The following CFAP206 variants were observed in gnomAD, a reference collection of about 807,000 sequenced individuals.
CFAP206 encodes the protein cilia- and flagella-associated protein 206.
A neutral mutation model predicts 65.4 loss-of-function variants in CFAP206; 53 were observed. That is an observed-to-expected ratio of 0.81 (90% CI 0.65 to 1.02). CFAP206 has a LOEUF of 1.02. CFAP206 is among the 50% of genes least tolerant of loss of function. The probability of loss-of-function intolerance (pLI) is 0.00; values close to 1 mark genes in which losing one functional copy is unlikely to be tolerated. For synonymous variants in CFAP206, 250 were observed against 254.4 expected (o/e 0.98, Z 0.17); for missense variants, 663 against 753.2 (o/e 0.88, Z 1.40).
intron 8 of CFAP206, 71 bp from the exon 9 acceptor site, chr6:87,428,555 T>A (rs966745567): frequency 6.5e-6 from 9 of 1,385,860 alleles, no homozygotes; most frequent in Non-Finnish European, 9.2e-6. Flanking sequence ...ATTGTATTTA[T>A]CTTAAAGAGT....
At chr6:87,417,928 C>CG (rs1253853436) in intron 6 of CFAP206, among the ~76,000 whole-genome samples, 1 of 151,616 alleles carries the variant, frequency 6.6e-6, no homozygotes, top group Non-Finnish European at 1.5e-5. Flanking sequence ...TTAGTAGAGA[C>CG]GGGGTTTCAC....
At chr6:87,455,618 T>C (rs1293792566) in intron 11 of CFAP206, among the ~76,000 whole-genome samples, 1 of 152,072 alleles carries the variant, frequency 6.6e-6, no homozygotes, top group Non-Finnish European at 1.5e-5. Flanking sequence ...ATAGTTACAC[T>C]TTAGCCAGGC....
chr6:87,444,903 AGGCTCACCACTTGTAAGCCT>A, intron 11 of CFAP206: 1 of 540,190 alleles, frequency 1.9e-6, no homozygotes, highest in African/African-American at 1.9e-5. Context: ...AGCGCTTGTA[AGGCTCACCACTTGTAAGCCT>A]GGGCTGAATC....
chr6:87,428,563 A>T (rs1425273883), intron 8 of CFAP206, 63 bp from the exon 9 acceptor site: 4 of 1,407,554 alleles, frequency 2.8e-6, no homozygotes, highest in Non-Finnish European at 4.0e-6. Flanking sequence ...TATCTTAAAG[A>T]GTACAGTGAT....
intron 10 of CFAP206, among the ~76,000 whole-genome samples, chr6:87,433,523 T>C (rs1768196590): frequency 6.6e-6 from 1 of 152,052 alleles, no homozygotes; most frequent in Non-Finnish European, 1.5e-5. Flanking sequence ...AGATGTCCCA[T>C]TTTTGTAGTT....
intron 11 of CFAP206, among the ~76,000 whole-genome samples, chr6:87,460,685 A>ACTAC (rs1768730710): frequency 1.3e-5 from 2 of 152,102 alleles, no homozygotes; most frequent in Admixed American, 1.3e-4. Flanking sequence ...TACTGTGGTC[A>ACTAC]CTACCTGGGT....
intron 11 of CFAP206, among the ~76,000 whole-genome samples, chr6:87,457,614 T>C (rs1017744151): frequency 3.3e-5 from 5 of 152,202 alleles, no homozygotes; most frequent in Non-Finnish European, 7.3e-5. Context: ...TGGATATCCA[T>C]GTGCAGAAGA....
intron 6 of CFAP206, among the ~76,000 whole-genome samples, chr6:87,417,981 G>A (rs1399825595): frequency 6.6e-6 from 1 of 151,624 alleles, no homozygotes; most frequent in Non-Finnish European, 1.5e-5. Flanking sequence ...CTCGTGATCC[G>A]CCCGCCTCGG....
At chr6:87,417,984 C>T (rs920005359) in intron 6 of CFAP206, among the ~76,000 whole-genome samples, 6 of 151,820 alleles carry the variant, frequency 4.0e-5, no homozygotes, top group Non-Finnish European at 5.9e-5. Context: ...GTGATCCGCC[C>T]GCCTCGGCCT....
chr6:87,428,546 T>C, intron 8 of CFAP206, 80 bp from the exon 9 acceptor site: 1 of 1,326,128 alleles, frequency 7.5e-7, no homozygotes, highest in South Asian at 1.2e-5. Context: ...CAAATGACAA[T>C]TGTATTTATC....
At chr6:87,461,668 T>C (rs1768751124) in intron 12 of CFAP206, among the ~76,000 whole-genome samples, 1 of 147,312 alleles carries the variant, frequency 6.8e-6, no homozygotes, top group South Asian at 2.3e-4. Flanking sequence ...ATCCCCTCTT[T>C]ATGGTATCTT....
intron 7 of CFAP206, among the ~76,000 whole-genome samples, chr6:87,420,909 CT>C (rs1369315490): frequency 6.6e-6 from 1 of 152,126 alleles, no homozygotes; most frequent in Non-Finnish European, 1.5e-5. Context: ...CTCAAACAGT[CT>C]TTTTTGTTTT....
At chr6:87,432,195 G>A (rs755891917) in intron 10 of CFAP206, among the ~76,000 whole-genome samples, 1 of 151,240 alleles carries the variant, frequency 6.6e-6, no homozygotes, top group Non-Finnish European at 1.5e-5. Flanking sequence ...TTCACAATTG[G>A]GTATTTTTTC....
At chr6:87,458,812 C>T (rs1332502483) in intron 11 of CFAP206, among the ~76,000 whole-genome samples, 2 of 151,906 alleles carry the variant, frequency 1.3e-5, no homozygotes, top group Non-Finnish European at 2.9e-5. Flanking sequence ...TGAAAGAGTA[C>T]AATTGGAATA....
intron 11 of CFAP206, among the ~76,000 whole-genome samples, chr6:87,459,376 T>C (rs1485423062): frequency 2.6e-5 from 4 of 152,154 alleles, no homozygotes; most frequent in Non-Finnish European, 5.9e-5. Context: ...AGAAAAATTG[T>C]GAGTTATATA....
chr6:87,457,149 CAAAA>C (rs56842848), intron 11 of CFAP206, among the ~76,000 whole-genome samples: 3 of 115,912 alleles, frequency 2.6e-5, no homozygotes, highest in Admixed American at 8.7e-5. Flanking sequence ...GACAACCTCT[CAAAA>C]AAAAAAAAAA....
At chr6:87,429,244 A>ATCTACCAGATG in intron 9 of CFAP206, among the ~76,000 whole-genome samples, 1 of 152,116 alleles carries the variant, frequency 6.6e-6, no homozygotes, top group African/African-American at 2.4e-5. Context: ...AAAAAAAAAA[A>ATCTACCAGATG]AAAGCACTAA....
intron 7 of CFAP206, among the ~76,000 whole-genome samples, chr6:87,425,316 A>C (rs1177856877): frequency 1.3e-5 from 2 of 152,234 alleles, no homozygotes; most frequent in African/African-American, 4.8e-5. Flanking sequence ...TAGAAGGATC[A>C]CAAACCAGTT....
intron 7 of CFAP206, among the ~76,000 whole-genome samples, chr6:87,420,234 C>T (rs928137707): frequency 2.0e-5 from 3 of 152,168 alleles, no homozygotes; most frequent in African/African-American, 7.2e-5. Context: ...TGTGAGTCCA[C>T]AGGAGTAGAA....
Sources: allele counts gnomAD v4.1 joint callset (sites outside exome capture counted in the v4.1 genomes callset), GRCh38; gene constraint gnomAD v4.1.1; transcripts MANE v1.5; gene names NCBI Gene and HGNC (gene_info 2026-07-23, HGNC 2026-07-21).